Variants in ADAMTS12 observed in about 807,000 individuals in gnomAD.
ADAMTS12 encodes A disintegrin and metalloproteinase with thrombospondin motifs 12.
In ADAMTS12, 118 loss-of-function variants were observed where a neutral mutation model predicts 167.8. The ratio of observed to expected loss-of-function variants is 0.70; its 90% CI spans 0.61 to 0.82. The LOEUF is 0.82. ADAMTS12 is among the 40% of genes least tolerant of loss of function. The pLI is 0.00. For missense variants in ADAMTS12, 1,916 were observed against 1,998.8 expected, an observed-to-expected ratio of 0.96 and a Z score of 0.79; for synonymous variants, 704 against 716.9, an observed-to-expected ratio of 0.98 and a Z score of 0.29.
intron 1 of ADAMTS12, among the ~76,000 whole-genome samples, chr5:33,888,686 C>A (rs956823464): frequency 6.6e-6 from 1 of 152,152 alleles, no homozygotes; most frequent in Non-Finnish European, 1.5e-5. Flanking sequence ...CAAAAGAGGT[C>A]ATGGAACAGA....
intron 14 of ADAMTS12, among the ~76,000 whole-genome samples, chr5:33,623,801 G>A (rs550659289): frequency 1.5e-4 from 23 of 152,306 alleles, no homozygotes; most frequent in Middle Eastern, 3.4e-3. Flanking sequence ...GCTGGCTTCT[G>A]TCCTCACTAC....
At chr5:33,768,975 G>C (rs1745644512) in intron 2 of ADAMTS12, among the ~76,000 whole-genome samples, 1 of 151,910 alleles carries the variant, frequency 6.6e-6, no homozygotes, top group Non-Finnish European at 1.5e-5. Context: ...TTCAGATAAG[G>C]ATTATCTGAA....
At chr5:33,683,186 A>G in intron 4 of ADAMTS12, 85 bp from the exon 5 acceptor site, 1 of 1,081,274 alleles carries the variant, frequency 9.2e-7, no homozygotes, top group Non-Finnish European at 1.4e-6. Context: ...TGTAATGCAC[A>G]TAAAATAAAG....
chr5:33,704,928 G>GT (rs1231001852), intron 3 of ADAMTS12, among the ~76,000 whole-genome samples: 1 of 151,882 alleles, frequency 6.6e-6, no homozygotes, highest in Admixed American at 6.6e-5. Context: ...GTTTAGAAAT[G>GT]TTTTTTTCCT....
At chr5:33,567,360 T>C (rs1242612724) in intron 19 of ADAMTS12, among the ~76,000 whole-genome samples, 1 of 152,226 alleles carries the variant, frequency 6.6e-6, no homozygotes, top group Non-Finnish European at 1.5e-5. Context: ...AGCTTCCACT[T>C]CTACCACTTG....
chr5:33,588,696 G>A lies in ADAMTS12; in HGVS notation c.2768C>T (p.Pro923Leu). The A allele has an allele frequency of 6.2e-7, 1 of 1,614,082 alleles. No homozygotes were observed. Among genetic ancestry groups the A allele is most frequent in the South Asian group, 1.1e-5 (1 of 91,076 alleles). The change falls in exon 18 of 24, where the codon CCC becomes CTC. Residue 923 changes from proline to leucine, a missense_variant. By Grantham distance (98) the Pro-to-Leu change is moderately conservative. Transcript: ENST00000504830. The stretch of plus-strand genomic sequence containing the variant: ...CTTCAGCAGGTGCTGGCAGTCTGTG[G>A]GCGGGAGAGCCTGCTCGTCAGAGAC... ...TMVSDEQALP[P>L]TDCQHLLKPK...
At chr5:33,586,186 G>C (rs1004284502) in intron 18 of ADAMTS12, among the ~76,000 whole-genome samples, 1 of 152,098 alleles carries the variant, frequency 6.6e-6, no homozygotes, top group Non-Finnish European at 1.5e-5. Context: ...AATAAATACT[G>C]CCTGCCAAGA....
chr5:33,560,923 GAAAA>G, intron 20 of ADAMTS12, 100 bp downstream of exon 20: 3 of 1,196,034 alleles, frequency 2.5e-6, no homozygotes, highest in Non-Finnish European at 2.3e-6. Context: ...TTAAGAAAAA[GAAAA>G]AAAAAAAAAA....
chr5:33,870,448 T>G (rs1455981704), intron 2 of ADAMTS12, among the ~76,000 whole-genome samples: 1 of 152,174 alleles, frequency 6.6e-6, no homozygotes, highest in African/African-American at 2.4e-5. Flanking sequence ...TCTTCAAAAT[T>G]TATGTTCTTC....
At chr5:33,586,341 T>A (rs1350825564) in intron 18 of ADAMTS12, among the ~76,000 whole-genome samples, 1 of 152,256 alleles carries the variant, frequency 6.6e-6, no homozygotes, top group African/African-American at 2.4e-5. Context: ...ATGAATATTT[T>A]GATACTGATT....
At chr5:33,655,639 A>ATTTAATTTAG (rs1385761063) in intron 7 of ADAMTS12, among the ~76,000 whole-genome samples, 13 of 148,132 alleles carry the variant, frequency 8.8e-5, no homozygotes, top group African/African-American at 3.3e-4. Context: ...ATTTAATTTA[A>ATTTAATTTAG]TTTAATTTAA....
chr5:33,881,317 G>T lies in ADAMTS12; in HGVS notation c.291C>A (p.His97Gln). 6.2e-7 allele frequency: 1 copy of T among 1,614,126 alleles called. No homozygotes were observed. Among genetic ancestry groups the T allele is most frequent in the Non-Finnish European group, 8.5e-7 (1 of 1,180,022 alleles). The change falls in exon 2 of 24, where the codon CAC becomes CAA. Residue 97 changes from histidine to glutamine, a missense_variant. By Grantham distance (24) the His-to-Gln change is conservative. Coordinates refer to ENST00000504830, the MANE Select transcript of ADAMTS12 (RefSeq NM_030955.4). ...SEDWVYYRISHEEKDLFFNLT... is the reference protein window; with the variant it reads ...SEDWVYYRISQEEKDLFFNLT... ...AGTTAAAAAACAGGTCCTTCTCCTC[G>T]TGAGAAATTCTGTAGTACACCCAGT...
At chr5:33,695,395 CAGAG>C (rs990502344) in intron 3 of ADAMTS12, among the ~76,000 whole-genome samples, 4 of 151,780 alleles carry the variant, frequency 2.6e-5, no homozygotes, top group Admixed American at 6.6e-5. Context: ...TAAATAGAGA[CAGAG>C]AGAGAGAGAT....
intron 16 of ADAMTS12, among the ~76,000 whole-genome samples, chr5:33,605,494 A>G (rs113638690): frequency 7.0e-6 from 1 of 143,532 alleles, no homozygotes; most frequent in Non-Finnish European, 1.5e-5. Context: ...AAAACTTAGG[A>G]AAATATAGTC....
Position 33,767,367 on chromosome 5 carries a change from T to G in ADAMTS12, c.490-15819A>C, listed in dbSNP as rs554944630. Among the ~76,000 whole-genome samples the G allele has an allele frequency of 1.4e-4, 22 of 152,314 alleles. 1 individual carries two copies. In the South Asian group the frequency reaches 3.9e-3, roughly 27 times the overall value. ...TCTTTTATACTAAAAATAAAGTTAT[T>G]TTCAAAGCATTTGCTACTGCTTTTC... On this transcript the variant is annotated intron_variant, in intron 2 of 23. Coordinates refer to ENST00000504830, the MANE Select transcript of ADAMTS12 (RefSeq NM_030955.4).
chr5:33,568,120 A>G (rs1746109391), intron 19 of ADAMTS12, among the ~76,000 whole-genome samples: 1 of 152,204 alleles, frequency 6.6e-6, no homozygotes. Context: ...TAGGAAAGAA[A>G]CTGATTAGGA....
At chr5:33,840,107 A>T (rs932722993) in intron 2 of ADAMTS12, 3 of 152,196 alleles carry the variant, frequency 2.0e-5, no homozygotes, top group African/African-American at 4.8e-5. Context: ...CCAAATCTCC[A>T]TGAAGGAAGA....
chr5:33,682,978 C>G, intron 5 of ADAMTS12, 40 bp downstream of exon 5: 2 of 1,553,474 alleles, frequency 1.3e-6, no homozygotes, highest in Non-Finnish European at 1.8e-6. Flanking sequence ...GTAGGAAGTG[C>G]GAGGACATAT....
intron 6 of ADAMTS12, 126 bp from the exon 7 acceptor site, chr5:33,658,459 A>C (rs900485703): frequency 1.7e-5 from 19 of 1,117,462 alleles, no homozygotes; most frequent in Non-Finnish European, 2.2e-5. Flanking sequence ...TTTTTTAAAA[A>C]GTCTACATGA....
Sources: allele counts gnomAD v4.1 joint callset (sites outside exome capture counted in the v4.1 genomes callset), GRCh38; gene constraint gnomAD v4.1.1; transcripts MANE v1.5; gene names NCBI Gene and HGNC (gene_info 2026-07-23, HGNC 2026-07-21).